The following SIPA1L3 variants were observed in gnomAD, a reference collection of about 807,000 sequenced individuals.
The protein encoded by SIPA1L3 is signal induced proliferation associated 1 like 3.
In SIPA1L3, 59 loss-of-function variants were observed where a neutral mutation model predicts 150.1. That is an observed-to-expected ratio of 0.39 (90% CI 0.32 to 0.49). The LOEUF (loss-of-function observed/expected upper bound fraction) is 0.49. Ranked by LOEUF, SIPA1L3 falls within the 20% of genes least tolerant of loss-of-function variation. SIPA1L3 has a pLI of 0.86. For synonymous variants in SIPA1L3, 1,070 were observed against 1,077.6 expected, an observed-to-expected ratio of 0.99 and a Z score of 0.14; for missense variants, 2,211 against 2,489.5, an observed-to-expected ratio of 0.89 and a Z score of 2.38.
chr19:38,000,963 CATATATA>C (rs1370275706), intron 1 of SIPA1L3, among the ~76,000 whole-genome samples: 7 of 121,800 alleles, frequency 5.7e-5, no homozygotes, highest in Non-Finnish European at 8.5e-5. Flanking sequence ...ACATATAACA[CATATATA>C]ACATATATAA....
intron 10 of SIPA1L3, among the ~76,000 whole-genome samples, chr19:38,132,938 G>A (rs1473573072): frequency 3.3e-5 from 5 of 152,092 alleles, no homozygotes; most frequent in African/African-American, 4.8e-5. Flanking sequence ...GTGAGCCACC[G>A]CGCCTGGCCT....
rs1295593509 is a variant in SIPA1L3, at chr19:37,937,474, CAT to C, written c.-379+30117_-379+30118del. Reference sequence around the variant, plus strand: ...CAAAATATGGCTGAGTGTGGTGGCTCATGTGTGTAATCCCAGCACTTTGGGAG... The same window carrying C: ...CAAAATATGGCTGAGTGTGGTGGCTCGTGTGTAATCCCAGCACTTTGGGAG... On this transcript the variant is annotated intron_variant, in intron 1 of 21. Coordinates refer to ENST00000222345, the MANE Select transcript of SIPA1L3 (RefSeq NM_015073.3). 1.1e-4 allele frequency among the ~76,000 whole-genome samples: 16 copies of C among 151,948 alleles called. No individual in the cohort carries two copies. In the East Asian group the frequency reaches 3.1e-3, roughly 29 times the overall value.
At chr19:38,041,169 C>T (rs1373683549) in intron 2 of SIPA1L3, among the ~76,000 whole-genome samples, 7 of 143,686 alleles carry the variant, frequency 4.9e-5, no homozygotes, top group Non-Finnish European at 7.5e-5. Context: ...TGCAGTAGCT[C>T]GATTTTGTCT....
intron 1 of SIPA1L3, among the ~76,000 whole-genome samples, chr19:37,910,866 G>A (rs1311426063): frequency 6.6e-6 from 1 of 152,194 alleles, no homozygotes; most frequent in Non-Finnish European, 1.5e-5. Context: ...AAAGTGTTGA[G>A]ATTACAGGCG....
At chr19:38,079,857 G>C (rs1969937444) in intron 2 of SIPA1L3, among the ~76,000 whole-genome samples, 1 of 152,168 alleles carries the variant, frequency 6.6e-6, no homozygotes, top group Non-Finnish European at 1.5e-5. Context: ...TGCCCAGCCG[G>C]AAGTCCCCAT....
chr19:38,114,848 C>T (rs1970846048), intron 8 of SIPA1L3, among the ~76,000 whole-genome samples: 1 of 152,214 alleles, frequency 6.6e-6, no homozygotes, highest in Admixed American at 6.5e-5. Context: ...CTGGCCTGAT[C>T]GGCCGGGGTC....
chr19:38,082,111 G>C lies in SIPA1L3; in HGVS notation c.546G>C (p.Glu182Asp), dbSNP rs1318501073. Residue 182 changes from glutamate (E) to aspartate (D), a missense_variant, in exon 3 of 22, where the codon GAG (glutamate) becomes GAC (aspartate). This residue lies in a region of SIPA1L3 where 587 missense variants were observed against 534.5 expected (regional missense o/e 1.10). Coordinates refer to ENST00000222345, the MANE Select transcript of SIPA1L3 (RefSeq NM_015073.3). ...TCACCCTCAGCGAGTGTGACGCGGA[G>C]GACGCGGGGGAGCCGCGGGGGGCCC... ...SEITLSECDA[E>D]DAGEPRGARH... 6.2e-7 allele frequency: 1 copy of C among 1,607,830 alleles called. No individual in the cohort carries two copies. The highest frequency in any genetic ancestry group is 1.7e-5 in the Admixed American group (1 of 59,910).
chr19:38,157,849 C>G lies in SIPA1L3; in HGVS notation c.3662-4404C>G, dbSNP rs754844478. ...AGGGATACCGGGTGAGCCAGGCAGG[C>G]ATGTTTTCTGCCTTATTGGAGCTGA... On this transcript the variant is annotated intron_variant, in intron 13 of 21. Coordinates refer to ENST00000222345, the MANE Select transcript of SIPA1L3 (RefSeq NM_015073.3). Among the ~76,000 whole-genome samples the G allele has an allele frequency of 3.9e-5, 6 of 152,258 alleles. No homozygotes were observed. In the Middle Eastern group the frequency reaches 0.01, roughly 259 times the overall value.
At chr19:38,192,805 T>C (rs544437867) in intron 17 of SIPA1L3, among the ~76,000 whole-genome samples, 39 of 152,292 alleles carry the variant, frequency 2.6e-4, no homozygotes, top group African/African-American at 9.1e-4. Flanking sequence ...GGAGCTGTTT[T>C]GTGGGGACTG....
chr19:38,197,098 C>G (rs1297522160), intron 18 of SIPA1L3, among the ~76,000 whole-genome samples: 1 of 152,146 alleles, frequency 6.6e-6, no homozygotes, highest in African/African-American at 2.4e-5. Context: ...CTCAGTTTTC[C>G]TCTTCCATGA....
At chr19:38,112,846 C>T (rs1970796876) in intron 8 of SIPA1L3, among the ~76,000 whole-genome samples, 1 of 152,154 alleles carries the variant, frequency 6.6e-6, no homozygotes, top group Non-Finnish European at 1.5e-5. Flanking sequence ...CACAGCTCTC[C>T]AGCTTACCAT....
rs912354573 is a variant in SIPA1L3 at position 38,044,175 on chromosome 19, C to T, written c.-311+15019C>T. Among the ~76,000 whole-genome samples, 6 of 152,154 alleles carry T rather than the reference C, an allele frequency of 3.9e-5. No homozygotes were observed. The East Asian group carries it at 5.8e-4, about 15-fold the overall frequency. ...ATACTGCATTGAGGGACCCCAGGGT[C>T]GGGGTTTGCAGGGAGTGGCAGAAGG... On this transcript the variant is annotated intron_variant, in intron 2 of 21. Transcript: ENST00000222345.
chr19:38,179,275 C>T (rs1239884104), intron 15 of SIPA1L3, among the ~76,000 whole-genome samples: 1 of 152,184 alleles, frequency 6.6e-6, no homozygotes, highest in Non-Finnish European at 1.5e-5. Flanking sequence ...AACCCTGTCT[C>T]TACTAAAAAT....
chr19:37,952,352 G>T, intron 1 of SIPA1L3, among the ~76,000 whole-genome samples: 7 of 151,540 alleles, frequency 4.6e-5, no homozygotes, highest in African/African-American at 1.7e-4. Context: ...AGTAATTTTA[G>T]TGGACCCTAG....
intron 1 of SIPA1L3, among the ~76,000 whole-genome samples, chr19:37,969,255 GA>G (rs541692845): frequency 7.0e-4 from 105 of 150,148 alleles, no homozygotes; most frequent in African/African-American, 2.4e-3. Flanking sequence ...AAAAAGAAAA[GA>G]AAAAAACCTT....
intron 10 of SIPA1L3, among the ~76,000 whole-genome samples, chr19:38,136,155 C>A (rs1971429266): frequency 8.8e-6 from 1 of 113,822 alleles, no homozygotes; most frequent in African/African-American, 3.4e-5. Context: ...CACTGCATTC[C>A]AGCCTGGGCA....
intron 1 of SIPA1L3, among the ~76,000 whole-genome samples, chr19:37,958,647 A>G (rs926394196): frequency 6.6e-6 from 1 of 152,210 alleles, no homozygotes; most frequent in African/African-American, 2.4e-5. Flanking sequence ...ACAACAGAAG[A>G]AAGAACAAAA....
At chr19:38,125,034 A>AGGGAGACCGTGGGGAGAGGGAGAGGGAGC in intron 9 of SIPA1L3, among the ~76,000 whole-genome samples, 1 of 149,628 alleles carries the variant, frequency 6.7e-6, no homozygotes. Flanking sequence ...GGAGAGGGAG[A>AGGGAGACCGTGGGGAGAGGGAGAGGGAGC]GGGAGCTGTT....
chr19:37,922,144 G>A (rs1174464469), intron 1 of SIPA1L3, among the ~76,000 whole-genome samples: 1 of 151,846 alleles, frequency 6.6e-6, no homozygotes, highest in African/African-American at 2.4e-5. Context: ...GAGTGAACTG[G>A]TACAATCTCA....
Sources: allele counts gnomAD v4.1 joint callset (sites outside exome capture counted in the v4.1 genomes callset), GRCh38; gene constraint gnomAD v4.1.1; regional missense constraint gnomAD v4.1.1; transcripts MANE v1.5; gene names NCBI Gene and HGNC (gene_info 2026-07-23, HGNC 2026-07-21).